The following RIF1 variants were observed in gnomAD, a reference collection of about 807,000 sequenced individuals.
RIF1 encodes replication timing regulatory factor 1, also known as telomere-associated protein RIF1.
Under a neutral mutation model 247.1 loss-of-function variants are expected in RIF1, and 45 were observed. The ratio of observed to expected loss-of-function variants is 0.18; its 90% CI spans 0.14 to 0.23. The LOEUF (loss-of-function observed/expected upper bound fraction) is 0.23, where lower values mean the gene tolerates loss of function less well. RIF1 is among the 10% of genes least tolerant of loss of function. RIF1 has a pLI of 1.00. For missense variants in RIF1, 2,967 were observed against 2,862.5 expected (o/e 1.04, Z -0.83); for synonymous variants, 1,087 against 978.8 (o/e 1.11, Z -2.06).
In RIF1 at chr2:151,492,428, CG is replaced by C; in HGVS notation, c.*416-2796del. 6.2e-7 allele frequency: 1 copy of C among 1,612,048 alleles called. No homozygotes were observed. The highest frequency in any genetic ancestry group is 8.5e-7 in the Non-Finnish European group (1 of 1,179,032). Reference sequence around the variant, plus strand: ...TGGGTCTCCCTCACCCGTCTCATCTCGGGGGTATCCAATACATAGGCAGCTT... The same window carrying C: ...TGGGTCTCCCTCACCCGTCTCATCTCGGGGTATCCAATACATAGGCAGCTT... On this transcript the variant is annotated intron_variant and NMD_transcript_variant, in intron 9 of 13. Coordinates refer to the RIF1 transcript ENST00000454583.
the RIF1 span, chr2:151,520,037 AAC>A: frequency 0.018 from 3,464 of 192,394 alleles, 37 homozygotes; most frequent in African/African-American, 0.046. Flanking sequence ...TCTAATGCAA[AAC>A]AAAAAAAAAA....
intron 4 of RIF1, among the ~76,000 whole-genome samples, chr2:151,415,597 G>A (rs894492900): frequency 8.3e-6 from 1 of 120,622 alleles, no homozygotes; most frequent in African/African-American, 3.1e-5. Flanking sequence ...GATATTGCTG[G>A]GTGCAGTGTC....
intron 9 of RIF1, among the ~76,000 whole-genome samples, chr2:151,494,627 C>CTGTT (rs758679628): frequency 6.6e-6 from 1 of 151,938 alleles, no homozygotes; most frequent in Non-Finnish European, 1.5e-5. Flanking sequence ...AATACATCAG[C>CTGTT]TGTTTGTTTT....
chr2:151,504,125 CTTAACA>C (rs920957930), intron 12 of RIF1, among the ~76,000 whole-genome samples: 74 of 152,264 alleles, frequency 4.9e-4, no homozygotes, highest in African/African-American at 1.6e-3. Flanking sequence ...CTCCTTAACT[CTTAACA>C]TTAAGTTTTC....
Position 151,462,963 on chromosome 2 carries a change from C to T in RIF1, c.3443C>T (p.Ser1148Phe). 1 of 1,614,028 alleles carries T rather than the reference C, an allele frequency of 6.2e-7. No individual in the cohort carries two copies. ...DCGMAEHLEK[S>F]SLSNNECGSL... The stretch of plus-strand genomic sequence containing the variant: ...GGTATGGCTGAACATCTTGAAAAGT[C>T]CTCCCTTTCGAATAATGAGTGTGGT... Residue 1148 changes from serine (S) to phenylalanine (F), a missense_variant, in exon 30 of 36, where the codon TCC (serine) becomes TTC (phenylalanine). Transcript: ENST00000444746.
At position 151,475,037 on chromosome 2, in the gene RIF1, G is replaced by T; in HGVS notation, c.7385G>T (p.Arg2462Leu). ...TCTGTAATAAAAAATCTACAGTCAC[G>T]TTGGAGATCACCATCCCATGAAAAT... Reference protein sequence around the residue: ...ANSVIKNLQSRWRSPSHENSI With the variant: ...ANSVIKNLQSLWRSPSHENSI Residue 2462 changes from arginine (R) to leucine (L), a missense_variant, in exon 36 of 36, where the codon CGT becomes CTT. This residue lies in a region of RIF1 where 151 missense variants were observed against 163.4 expected (regional missense o/e 0.92). Coordinates refer to ENST00000444746, the MANE Select transcript of RIF1 (RefSeq NM_018151.5). 2 of 1,612,954 alleles carry T rather than the reference G, an allele frequency of 1.2e-6. No individual in the cohort carries two copies. The highest frequency in any genetic ancestry group is 1.7e-6 in the Non-Finnish European group (2 of 1,179,212).
intron 2 of RIF1, 91 bp downstream of exon 2, chr2:151,410,618 A>C: frequency 9.7e-7 from 1 of 1,030,542 alleles, no homozygotes; most frequent in East Asian, 2.5e-5. Context: ...AATGAATGTG[A>C]GTTCTAGAAG....
chr2:151,415,252 C>T (rs1686986269), intron 4 of RIF1, among the ~76,000 whole-genome samples: 2 of 151,248 alleles, frequency 1.3e-5, no homozygotes, highest in East Asian at 2.0e-4. Context: ...GAGGCTGAGG[C>T]AGGAGAATGA....
At chr2:151,519,637 A>G in the RIF1 span, 1 of 1,534,714 alleles carries the variant, frequency 6.5e-7, no homozygotes, top group Non-Finnish European at 9.0e-7. Context: ...TATATATTTT[A>G]CCACAATTTT....
In RIF1 at chr2:151,479,643, G is replaced by A. The variant is rs377479594; in HGVS notation, c.*4572G>A. On this transcript the variant is annotated 3_prime_UTR_variant, in exon 36 of 36. Transcript: ENST00000444746. Reference sequence around the variant, plus strand: ...CACTTAATTTTCTGTTATATTATGTGGTTGAAAATTCCTGTTTCATCGTAA... The same window carrying A: ...CACTTAATTTTCTGTTATATTATGTAGTTGAAAATTCCTGTTTCATCGTAA... 5 of 152,220 alleles carry A rather than the reference G, an allele frequency of 3.3e-5. No individual in the cohort carries two copies. The highest frequency in any genetic ancestry group is 3.9e-4 in the East Asian group (2 of 5,186). The allele number at this position is 152,220 out of a possible 1,614,324, so 9.4% of individuals were successfully genotyped here.
intron 24 of RIF1, among the ~76,000 whole-genome samples, chr2:151,458,556 GAATACTTTATAT>G (rs1234548425): frequency 6.6e-6 from 1 of 151,804 alleles, no homozygotes; most frequent in Admixed American, 6.6e-5. Context: ...AGCTAGACAT[GAATACTTTATAT>G]AATATTCTAC....
chr2:151,532,028 T>C, the RIF1 span: 1 of 615,388 alleles, frequency 1.6e-6, no homozygotes, highest in Non-Finnish European at 2.8e-6. Context: ...TGGAAATGTT[T>C]ACTATAAATT....
Position 151,468,566 on chromosome 2 carries a change from A to C in RIF1, c.6825+15A>C. 6.2e-7 allele frequency: 1 copy of C among 1,607,004 alleles called. No individual in the cohort carries two copies. On this transcript the variant is annotated intron_variant, in intron 32 of 35. Coordinates refer to ENST00000444746, the MANE Select transcript of RIF1 (RefSeq NM_018151.5). ...AGAAGTGTTTAGTAAGAAGTGCTTT[A>C]GTTTTCATGTCACTTTATATTTTCA... is the stretch of plus-strand genomic sequence containing the variant.
chr2:151,497,399 AAAG>A (rs1472104831), intron 10 of RIF1: 2 of 977,344 alleles, frequency 2.0e-6, no homozygotes, highest in African/African-American at 3.5e-5. Flanking sequence ...ATTTTAAAAA[AAAG>A]ATTGAAAATA....
intron 33 of RIF1, among the ~76,000 whole-genome samples, chr2:151,469,287 G>A (rs1037814727): frequency 6.6e-6 from 1 of 152,116 alleles, no homozygotes; most frequent in African/African-American, 2.4e-5. Flanking sequence ...CCTTGAGATA[G>A]TTTCTCTTTA....
intron 3 of RIF1, among the ~76,000 whole-genome samples, chr2:151,414,411 C>A (rs1032553020): frequency 6.6e-6 from 1 of 152,158 alleles, no homozygotes; most frequent in Admixed American, 6.5e-5. Flanking sequence ...TACATTCTAA[C>A]CCCTTCCTTC....
intron 6 of RIF1, among the ~76,000 whole-genome samples, chr2:151,418,439 AGGT>A (rs1687589329): frequency 6.6e-6 from 1 of 151,390 alleles, no homozygotes; most frequent in African/African-American, 2.4e-5. Flanking sequence ...TCCTGACCTC[AGGT>A]GGTGCACCCA....
chr2:151,464,411 C>G lies in RIF1; in HGVS notation c.4891C>G (p.Gln1631Glu). 6.2e-7 allele frequency: 1 copy of G among 1,613,148 alleles called. No homozygotes were observed. The highest frequency in any genetic ancestry group is 8.5e-7 in the Non-Finnish European group (1 of 1,179,678). Residue 1631 changes from glutamine (Q) to glutamate (E), a missense_variant, in exon 30 of 36, where the codon CAG (glutamine) becomes GAG (glutamate). Transcript: ENST00000444746. ...AGATGAAAGTAATACTGTAATATGT[C>G]AGGATTCTACAGTAACTTCAGATTT... is the stretch of plus-strand genomic sequence containing the variant. ...KQDESNTVIC[Q>E]DSTVTSDLLQ...
At chr2:151,485,776 T>C (rs2049772724), downstream of RIF1, 3 of 1,611,230 alleles carry the variant, frequency 1.9e-6, no homozygotes, top group Non-Finnish European at 2.5e-6. Flanking sequence ...AGCTTCAACG[T>C]AGTTGGCTGG....
Sources: allele counts gnomAD v4.1 joint callset (sites outside exome capture counted in the v4.1 genomes callset), GRCh38; gene constraint gnomAD v4.1.1; regional missense constraint gnomAD v4.1.1; transcripts MANE v1.5; gene names NCBI Gene and HGNC (gene_info 2026-07-23, HGNC 2026-07-21).